COPG2: variants seen among roughly 807,000 people sequenced by gnomAD.
COPG2 encodes coat protein complex I subunit gamma 2, also known as coatomer subunit gamma-2.
Under a neutral mutation model 46.3 loss-of-function variants are expected in COPG2, and 37 were observed. The ratio of observed to expected loss-of-function variants is 0.80; its 90% confidence interval spans 0.61 to 1.05. The LOEUF (loss-of-function observed/expected upper bound fraction) is 1.05, where lower values mean the gene tolerates loss of function less well. COPG2 is among the 50% of genes least tolerant of loss of function. The probability of loss-of-function intolerance (pLI) is 0.00; values close to 1 mark genes in which losing one functional copy is unlikely to be tolerated. For synonymous variants in COPG2, 159 were observed against 129.7 expected, an observed-to-expected ratio of 1.23 and a Z score of -1.53; for missense variants, 427 against 387.8, an observed-to-expected ratio of 1.10 and a Z score of -0.85.
chr7:130,541,386 G>A (rs1172126445), intron 20 of COPG2, among the ~76,000 whole-genome samples: 4 of 150,592 alleles, frequency 2.7e-5, no homozygotes, highest in South Asian at 2.1e-4. Flanking sequence ...GAAGGAGAGC[G>A]TCTTGAAGAC....
chr7:130,595,263 G>A (rs1794505916), intron 9 of COPG2, among the ~76,000 whole-genome samples: 1 of 152,120 alleles, frequency 6.6e-6, no homozygotes, highest in African/African-American at 2.4e-5. Context: ...AGAAACAAAA[G>A]GCCACATATT....
intron 6 of COPG2, among the ~76,000 whole-genome samples, chr7:130,616,137 T>A (rs1370021700): frequency 6.6e-6 from 1 of 152,230 alleles, no homozygotes; most frequent in African/African-American, 2.4e-5. Flanking sequence ...TTTCATTTAG[T>A]ATTTTAACAA....
chr7:130,506,616 C>G lies in COPG2; in HGVS notation c.*60G>C. ...GTCTGATTCTGGGAAACTGATGCCA[C>G]TAGCCTAAAAGCCCACTGACCATGT... On this transcript the variant is annotated 3_prime_UTR_variant, in exon 24 of 24. Transcript: ENST00000425248. The G allele has an allele frequency of 1.6e-6, 1 of 631,316 alleles. No homozygotes were observed. The highest frequency in any genetic ancestry group is 2.0e-5 in the South Asian group (1 of 50,332). 39.1% of individuals were successfully genotyped at this position (631,316 alleles called of 1,614,324 possible). A position where few individuals can be genotyped will look rare whatever the true frequency, so the allele number is the denominator to read the frequency against.
intron 14 of COPG2, among the ~76,000 whole-genome samples, chr7:130,553,757 G>A (rs1221664621): frequency 6.6e-6 from 1 of 152,160 alleles, no homozygotes; most frequent in Non-Finnish European, 1.5e-5. Context: ...GAATGGTGCT[G>A]GAAAGAGGAG....
intron 9 of COPG2, among the ~76,000 whole-genome samples, chr7:130,576,364 G>C (rs1554446227): frequency 6.6e-6 from 1 of 152,102 alleles, no homozygotes; most frequent in African/African-American, 2.4e-5. Flanking sequence ...ATTATATCAA[G>C]AACTCTCTGA....
intron 4 of COPG2, among the ~76,000 whole-genome samples, chr7:130,654,024 T>C (rs1216604458): frequency 6.6e-6 from 1 of 151,930 alleles, no homozygotes; most frequent in Non-Finnish European, 1.5e-5. Context: ...AAAAATTTCA[T>C]TAAAACACAA....
At chr7:130,640,926 G>A (rs1795452194) in intron 5 of COPG2, among the ~76,000 whole-genome samples, 1 of 151,972 alleles carries the variant, frequency 6.6e-6, no homozygotes, top group South Asian at 2.1e-4. Flanking sequence ...ATGATACAAA[G>A]TTATATGTGT....
rs1795206769 is a variant in COPG2, at chr7:130,630,396, A to G, written c.324-13331T>C. Reference sequence around the variant, plus strand: ...CAACATAATTGATTTTTGCATATTGATCTTGTATTCTGCAAATTTGCTAAG... The same window carrying G: ...CAACATAATTGATTTTTGCATATTGGTCTTGTATTCTGCAAATTTGCTAAG... On this transcript the variant is annotated intron_variant, in intron 5 of 23. Coordinates refer to ENST00000425248, the MANE Select transcript of COPG2 (RefSeq NM_012133.6). 2.6e-5 allele frequency among the ~76,000 whole-genome samples: 4 copies of G among 152,318 alleles called. No homozygotes were observed. The South Asian group carries it at 8.3e-4, about 32-fold the overall frequency.
At chr7:130,618,284 A>G (rs1252868511) in intron 5 of COPG2, among the ~76,000 whole-genome samples, 1 of 151,786 alleles carries the variant, frequency 6.6e-6, no homozygotes, top group Admixed American at 6.6e-5. Context: ...TGAACAATAC[A>G]CTCGTTCAGT....
chr7:130,624,790 C>T (rs377403760), intron 5 of COPG2, among the ~76,000 whole-genome samples: 20 of 152,286 alleles, frequency 1.3e-4, no homozygotes, highest in Admixed American at 9.8e-4. Context: ...ATACATACTA[C>T]ATTTTCTTAA....
chr7:130,519,206 T>C (rs1259662133), intron 20 of COPG2, among the ~76,000 whole-genome samples: 1 of 152,096 alleles, frequency 6.6e-6, no homozygotes. Flanking sequence ...AGTGGAGTTG[T>C]ATGTTAAGCT....
intron 22 of COPG2, 143 bp from the exon 23 acceptor site, chr7:130,507,515 G>A: frequency 1.5e-6 from 1 of 678,450 alleles, no homozygotes; most frequent in Non-Finnish European, 2.7e-6. Flanking sequence ...GGCTACTACT[G>A]GACTAGAAAA....
chr7:130,517,533 A>T (rs1452569349), intron 20 of COPG2, among the ~76,000 whole-genome samples: 1 of 152,214 alleles, frequency 6.6e-6, no homozygotes. Context: ...TATTAAGATG[A>T]ATTCTCCTAA....
intron 20 of COPG2, among the ~76,000 whole-genome samples, chr7:130,526,164 A>AGAGGGGAAGGAAAAGGCAGCC (rs1799772463): frequency 1.3e-5 from 2 of 152,148 alleles, no homozygotes; most frequent in African/African-American, 4.8e-5. Flanking sequence ...CTGGAGTGTA[A>AGAGGGGAAGGAAAAGGCAGCC]GAGGGGAAGG....
At position 130,571,147 on chromosome 7, in the gene COPG2, T is replaced by C. The variant is rs1584977131; in HGVS notation, c.738-6754A>G. ...CACATTTGCTTAGGCAAAGACTTCA[T>C]GACCAAGAACCCAAAAGCAAATGCG... On this transcript the variant is annotated intron_variant, in intron 9 of 23. Coordinates refer to ENST00000425248, the MANE Select transcript of COPG2 (RefSeq NM_012133.6). Among the ~76,000 whole-genome samples, 2 of 152,336 alleles carry C rather than the reference T, an allele frequency of 1.3e-5. 1 individual carries two copies. Among genetic ancestry groups the C allele is most frequent in the Middle Eastern group, 6.8e-3 (2 of 294 alleles).
At chr7:130,660,288 C>T (rs1196798719) in intron 4 of COPG2, among the ~76,000 whole-genome samples, 2 of 152,218 alleles carry the variant, frequency 1.3e-5, no homozygotes, top group African/African-American at 4.8e-5. Context: ...CATCTGGGTA[C>T]AGCACCTCGT....
intron 5 of COPG2, among the ~76,000 whole-genome samples, chr7:130,646,962 T>C (rs1416165022): frequency 5.1e-4 from 12 of 23,324 alleles, no homozygotes; most frequent in African/African-American, 9.6e-4. Context: ...TATATGCATA[T>C]ATATATGTGT....
chr7:130,518,656 C>G (rs1799699285), intron 20 of COPG2, among the ~76,000 whole-genome samples: 1 of 152,030 alleles, frequency 6.6e-6, no homozygotes, highest in Non-Finnish European at 1.5e-5. Flanking sequence ...TTGCTCAGAA[C>G]AGAAATATTA....
intron 20 of COPG2, among the ~76,000 whole-genome samples, chr7:130,517,040 G>A (rs1392975991): frequency 6.6e-6 from 1 of 152,114 alleles, no homozygotes; most frequent in Non-Finnish European, 1.5e-5. Context: ...ACACACAGGT[G>A]ACAGCTGAAA....
Sources: gnomAD v4.1 joint callset for allele counts (sites outside exome capture counted in the v4.1 genomes callset) on GRCh38, gnomAD v4.1.1 for gene constraint, MANE v1.5 for transcripts, NCBI Gene and HGNC (gene_info 2026-07-23, HGNC 2026-07-21) for gene names.